Variants in GRID1 observed in about 807,000 individuals in gnomAD.
GRID1 encodes glutamate ionotropic receptor delta type subunit 1, also known as glutamate receptor ionotropic, delta-1.
Under a neutral mutation model 98.0 loss-of-function variants are expected in GRID1, and 28 were observed. The observed-to-expected ratio is 0.29, with a 90% CI of 0.21 to 0.39. GRID1 has a LOEUF of 0.39. Among genes scored for constraint, GRID1 ranks in the 10% least tolerant of loss-of-function variants. The probability of loss-of-function intolerance (pLI) is 1.00; values close to 1 mark genes in which losing one functional copy is unlikely to be tolerated. For synonymous variants in GRID1, 553 were observed against 538.5 expected (o/e 1.03, Z -0.37); for missense variants, 1,111 against 1,340.5 (o/e 0.83, Z 2.67).
Position 86,138,986 on chromosome 10 carries a change from G to A in GRID1, c.559C>T (p.Arg187Trp), listed in dbSNP as rs139636505. The change falls in exon 4 of 16, where the codon CGG (arginine) becomes TGG (tryptophan). Residue 187 changes from arginine to tryptophan, a missense_variant. Arg to Trp is a moderately radical substitution (Grantham distance 101). Transcript: ENST00000327946. ...GLQSFLDQAS[R>W]LGLDVSLQKV... ...TGTAAAGAGACGTCAAGGCCCAGCC[G>A]CGAGGCCTGGTCCAGAAAGCTTTGA... 20 of 1,613,806 alleles carry A rather than the reference G, an allele frequency of 1.2e-5. No homozygotes were observed. Among genetic ancestry groups the A allele is most frequent in the Admixed American group, 5.0e-5 (3 of 60,010 alleles).
intron 8 of GRID1, among the ~76,000 whole-genome samples, chr10:85,810,707 T>C (rs1842664221): frequency 6.6e-6 from 1 of 152,102 alleles, no homozygotes; most frequent in Non-Finnish European, 1.5e-5. Flanking sequence ...CATCATCATA[T>C]TCCCCATCAG....
chr10:86,215,093 GA>G (rs1246259823), intron 2 of GRID1, among the ~76,000 whole-genome samples: 1 of 152,208 alleles, frequency 6.6e-6, no homozygotes, highest in Admixed American at 6.5e-5. Flanking sequence ...GAACCAAGGG[GA>G]CAGTGGGGAG....
intron 2 of GRID1, among the ~76,000 whole-genome samples, chr10:86,314,071 T>G (rs1054670599): frequency 9.2e-5 from 14 of 152,160 alleles, no homozygotes; most frequent in African/African-American, 3.4e-4. Context: ...TAGTTTTCGG[T>G]TTTTCCTGCT....
intron 4 of GRID1, among the ~76,000 whole-genome samples, chr10:85,943,999 C>T (rs903915258): frequency 6.6e-6 from 1 of 152,190 alleles, no homozygotes; most frequent in South Asian, 2.1e-4. Context: ...TCTGAGGAAT[C>T]CTGCCACAGT....
rs1205803194 is a variant in GRID1 at position 86,187,155 on chromosome 10, C to T, written c.520+19209G>A. Among the ~76,000 whole-genome samples, 4 of 152,156 alleles carry T rather than the reference C, an allele frequency of 2.6e-5. No homozygotes were observed. In the East Asian group the frequency reaches 7.7e-4, roughly 29 times the overall value. ...CATTGGGGGCGGGGCGGGGCTCAGACCTCTTTTGCCACTTGCTGTCTCTGC... is the reference window on the plus strand; with the variant it reads ...CATTGGGGGCGGGGCGGGGCTCAGATCTCTTTTGCCACTTGCTGTCTCTGC... On this transcript the variant is annotated intron_variant, in intron 3 of 15. Transcript: ENST00000327946.
chr10:86,074,705 A>G (rs1843856000), intron 4 of GRID1, among the ~76,000 whole-genome samples: 2 of 152,208 alleles, frequency 1.3e-5, no homozygotes, highest in African/African-American at 2.4e-5. Flanking sequence ...TTCCTTGGAT[A>G]GAACTCAGCA....
chr10:85,895,783 T>C (rs1841285055), intron 5 of GRID1, among the ~76,000 whole-genome samples: 1 of 152,210 alleles, frequency 6.6e-6, no homozygotes, highest in South Asian at 2.1e-4. Context: ...TGAAATTCCA[T>C]AGTGAAGTAC....
intron 12 of GRID1, among the ~76,000 whole-genome samples, chr10:85,714,875 C>T (rs1267020324): frequency 6.6e-6 from 1 of 151,924 alleles, no homozygotes; most frequent in Non-Finnish European, 1.5e-5. Flanking sequence ...ACATTCTTCA[C>T]AGAAATGGAA....
chr10:85,807,534 TAGAA>T (rs1842633919), intron 8 of GRID1, among the ~76,000 whole-genome samples: 1 of 151,984 alleles, frequency 6.6e-6, no homozygotes, highest in African/African-American at 2.4e-5. Flanking sequence ...ATTAATCAGT[TAGAA>T]AGAGATAAAT....
At chr10:85,810,399 C>G (rs1250115946) in intron 8 of GRID1, among the ~76,000 whole-genome samples, 1 of 152,178 alleles carries the variant, frequency 6.6e-6, no homozygotes, top group Non-Finnish European at 1.5e-5. Context: ...GCACCCATGT[C>G]CCTGGCCAGA....
intron 8 of GRID1, among the ~76,000 whole-genome samples, chr10:85,764,713 G>A (rs1287240881): frequency 1.3e-5 from 2 of 152,156 alleles, no homozygotes; most frequent in Non-Finnish European, 2.9e-5. Flanking sequence ...GTACCTTCAT[G>A]TCACTCTCAA....
At chr10:85,842,576 T>C (rs1438780001) in intron 8 of GRID1, among the ~76,000 whole-genome samples, 3 of 151,982 alleles carry the variant, frequency 2.0e-5, no homozygotes, top group Non-Finnish European at 4.4e-5. Context: ...AGAGATACTA[T>C]TACAGATGCT....
intron 8 of GRID1, among the ~76,000 whole-genome samples, chr10:85,807,785 T>C (rs964725819): frequency 3.3e-5 from 5 of 152,176 alleles, no homozygotes; most frequent in Non-Finnish European, 7.4e-5. Context: ...GAAGTATAAT[T>C]AATATAACCA....
chr10:86,064,915 T>C (rs1235881384), intron 4 of GRID1, among the ~76,000 whole-genome samples: 1 of 152,202 alleles, frequency 6.6e-6, no homozygotes, highest in Non-Finnish European at 1.5e-5. Context: ...CTCAGACCCA[T>C]GTGGCATCAT....
chr10:85,992,244 TG>T (rs1396154539), intron 4 of GRID1, among the ~76,000 whole-genome samples: 3 of 151,990 alleles, frequency 2.0e-5, no homozygotes, highest in Non-Finnish European at 4.4e-5. Flanking sequence ...TGGAGATTTG[TG>T]AGGAGCAATA....
At chr10:86,355,943 G>A (rs751864545) in intron 2 of GRID1, among the ~76,000 whole-genome samples, 5 of 152,242 alleles carry the variant, frequency 3.3e-5, no homozygotes, top group African/African-American at 7.2e-5. Flanking sequence ...GGCTGAAGCC[G>A]TGGAAAGTGC....
chr10:85,778,609 G>T (rs983068683), intron 8 of GRID1, among the ~76,000 whole-genome samples: 1 of 152,190 alleles, frequency 6.6e-6, no homozygotes, highest in Admixed American at 6.5e-5. Flanking sequence ...AGACAAGTTT[G>T]ACCTGTGTGC....
intron 12 of GRID1, among the ~76,000 whole-genome samples, chr10:85,671,653 T>A (rs1327881651): frequency 6.6e-6 from 1 of 152,220 alleles, no homozygotes; most frequent in East Asian, 1.9e-4. Context: ...GGAAGAGTTG[T>A]ACATCTCTCA....
intron 2 of GRID1, among the ~76,000 whole-genome samples, chr10:86,315,728 T>A: frequency 6.6e-6 from 1 of 151,594 alleles, no homozygotes. Context: ...CCCATATACA[T>A]CTGCCTCCAA....
Sources: gnomAD v4.1 joint callset for allele counts (sites outside exome capture counted in the v4.1 genomes callset) on GRCh38, gnomAD v4.1.1 for gene constraint, MANE v1.5 for transcripts, NCBI Gene and HGNC (gene_info 2026-07-23, HGNC 2026-07-21) for gene names.